LAMA3: variants seen among roughly 807,000 people sequenced by gnomAD.
The protein encoded by LAMA3 is laminin subunit alpha 3, also known as laminin subunit alpha-3.
LAMA3 carries 281 observed loss-of-function variants against 402.0 expected under a neutral mutation model. The ratio of observed to expected loss-of-function variants is 0.70; its 90% CI spans 0.63 to 0.77. LAMA3 has a LOEUF of 0.77. Ranked by LOEUF, LAMA3 falls within the 30% of genes least tolerant of loss-of-function variation. LAMA3 has a pLI of 0.00. For missense variants in LAMA3, 3,840 were observed against 4,215.5 expected, an observed-to-expected ratio of 0.91 and a Z score of 2.47; for synonymous variants, 1,431 against 1,558.4, an observed-to-expected ratio of 0.92 and a Z score of 1.93.
chr18:23,743,839 A>G (rs1193142643), intron 2 of LAMA3, among the ~76,000 whole-genome samples: 2 of 152,112 alleles, frequency 1.3e-5, no homozygotes, highest in Admixed American at 6.5e-5. Flanking sequence ...ACCCCCAAAT[A>G]CGATCTCTTT....
chr18:23,775,629 A>G (rs1306732412), intron 9 of LAMA3, among the ~76,000 whole-genome samples, 163 bp from the exon 10 acceptor site: 1 of 152,248 alleles, frequency 6.6e-6, no homozygotes, highest in Non-Finnish European at 1.5e-5. Flanking sequence ...TCGGGCAGTG[A>G]GAACCATCAA....
At chr18:23,952,467 G>A (rs530268106) in intron 73 of LAMA3, among the ~76,000 whole-genome samples, 1 of 152,254 alleles carries the variant, frequency 6.6e-6, no homozygotes, top group South Asian at 2.1e-4. Context: ...AACCCATATT[G>A]GCTAAAATAC....
At chr18:23,707,459 A>T (rs2060911138) in intron 1 of LAMA3, among the ~76,000 whole-genome samples, 1 of 152,244 alleles carries the variant, frequency 6.6e-6, no homozygotes, top group South Asian at 2.1e-4. Flanking sequence ...GTCTGGATTC[A>T]AGAGCAGAGA....
Position 23,954,531 on chromosome 18 carries a change from G to A in LAMA3, c.9885G>A (p.Val3295=), listed in dbSNP as rs750062281. The A allele has an allele frequency of 6.2e-7, 1 of 1,613,832 alleles. No individual in the cohort carries two copies. The highest frequency in any genetic ancestry group is 1.1e-5 in the South Asian group (1 of 91,052). The part of the protein sequence containing the change: ...PANLTTLRIP[V]WKSFFGCLRN... Reference sequence around the variant, plus strand: ...ATTTGACGACACTGAGGATCCCTGTGTGGAAATCATTCTTTGGCTGTCTGA... The same window carrying A: ...ATTTGACGACACTGAGGATCCCTGTATGGAAATCATTCTTTGGCTGTCTGA... The change falls in exon 75 of 75, where the codon GTG becomes GTA. Residue 3295 remains valine (V), a synonymous_variant. Coordinates refer to ENST00000313654, the MANE Select transcript of LAMA3 (RefSeq NM_198129.4).
At chr18:23,934,395 C>T (rs963884584) in intron 67 of LAMA3, among the ~76,000 whole-genome samples, 1 of 152,122 alleles carries the variant, frequency 6.6e-6, no homozygotes, top group African/African-American at 2.4e-5. Flanking sequence ...TAGGCTGCAT[C>T]TGACCCAATT....
chr18:23,702,434 G>A (rs1480015139), intron 1 of LAMA3, among the ~76,000 whole-genome samples: 3 of 151,974 alleles, frequency 2.0e-5, no homozygotes, highest in Non-Finnish European at 4.4e-5. Context: ...GGGCTCAAGG[G>A]AGCCTCAGCC....
chr18:23,830,941 G>T (rs560554715), intron 23 of LAMA3, among the ~76,000 whole-genome samples: 217 of 152,120 alleles, frequency 1.4e-3, no homozygotes, highest in Non-Finnish European at 2.5e-3. Context: ...ACTCCATTTC[G>T]GTATTCCCTA....
intron 42 of LAMA3, 30 bp from the exon 43 acceptor site, chr18:23,894,268 A>C: frequency 6.4e-7 from 1 of 1,570,590 alleles, no homozygotes; most frequent in Non-Finnish European, 8.8e-7. Context: ...TTTAATAACT[A>C]TGTCTTCTTT....
At chr18:23,877,286 A>G (rs1036435038) in intron 39 of LAMA3, among the ~76,000 whole-genome samples, 1 of 152,186 alleles carries the variant, frequency 6.6e-6, no homozygotes, top group Non-Finnish European at 1.5e-5. Flanking sequence ...CTTATTTTGG[A>G]ATATTTTATA....
intron 35 of LAMA3, among the ~76,000 whole-genome samples, chr18:23,863,829 G>A (rs553921668): frequency 5.9e-4 from 90 of 152,264 alleles, no homozygotes; most frequent in Non-Finnish European, 1.1e-3. Flanking sequence ...TTACTTAAAG[G>A]ATGGGAGGTG....
At chr18:23,709,317 C>T (rs1269820713) in intron 1 of LAMA3, among the ~76,000 whole-genome samples, 1 of 152,192 alleles carries the variant, frequency 6.6e-6, no homozygotes, top group African/African-American at 2.4e-5. Context: ...AAGCAATCTG[C>T]CCATCTTGGC....
intron 55 of LAMA3, among the ~76,000 whole-genome samples, chr18:23,911,815 C>A (rs2081434039): frequency 6.9e-6 from 1 of 145,538 alleles, no homozygotes; most frequent in African/African-American, 2.5e-5. Flanking sequence ...ATATTATAAT[C>A]ATATATTTTA....
Position 23,689,966 on chromosome 18 carries a change from C to A in LAMA3, c.283C>A (p.His95Asn). Residue 95 changes from histidine (H) to asparagine (N), a missense_variant, in exon 1 of 75, where the codon CAC (histidine) becomes AAC (asparagine). By Grantham distance (68) the His-to-Asn change is moderately conservative (BLOSUM62 1). Transcript: ENST00000313654. Reference sequence around the variant, plus strand: ...GGGCCCCACCGCCCCAGGCAGCGGCCACACCATCCAGGTGAGGGCCTCGGA... The same window carrying A: ...GGGCCCCACCGCCCCAGGCAGCGGCAACACCATCCAGGTGAGGGCCTCGGA... ...VGGPTAPGSG[H>N]TIQGQFCDYC... 1 of 1,504,900 alleles carries A rather than the reference C, an allele frequency of 6.6e-7. No homozygotes were observed. 93.2% of individuals were successfully genotyped at this position (1,504,900 alleles called of 1,614,324 possible).
At chr18:23,690,026 G>C in intron 1 of LAMA3, 49 bp downstream of exon 1, 1 of 1,327,088 alleles carries the variant, frequency 7.5e-7, no homozygotes. Flanking sequence ...TCCTTCCCGC[G>C]CCGGCCAGAC....
chr18:23,709,710 T>A (rs937700456), intron 1 of LAMA3: 1 of 436,644 alleles, frequency 2.3e-6, no homozygotes. Context: ...TCCTCAATGA[T>A]CTTCCATCTG....
intron 24 of LAMA3, chr18:23,834,930 C>T (rs910959986): frequency 2.0e-5 from 3 of 152,182 alleles, no homozygotes; most frequent in Non-Finnish European, 2.9e-5. Context: ...CCCTCAGTAA[C>T]GCTAAACAAG....
At chr18:23,838,111 G>A (rs2063623149) in intron 25 of LAMA3, among the ~76,000 whole-genome samples, 1 of 151,988 alleles carries the variant, frequency 6.6e-6, no homozygotes, top group Non-Finnish European at 1.5e-5. Context: ...TGAAGGCAGG[G>A]GTGTTGTCCA....
chr18:23,875,097 TCAA>T (rs777138267), intron 38 of LAMA3, among the ~76,000 whole-genome samples: 1 of 152,120 alleles, frequency 6.6e-6, no homozygotes, highest in Non-Finnish European at 1.5e-5. Flanking sequence ...ACTCCTGGGC[TCAA>T]GTGATCCACC....
At chr18:23,840,256 G>A (rs947704391) in intron 27 of LAMA3, among the ~76,000 whole-genome samples, 2 of 152,010 alleles carry the variant, frequency 1.3e-5, no homozygotes, top group African/African-American at 4.8e-5. Flanking sequence ...ATTATTCATG[G>A]CCCATATTGT....
Sources: gnomAD v4.1 joint callset for allele counts (sites outside exome capture counted in the v4.1 genomes callset) on GRCh38, gnomAD v4.1.1 for gene constraint, MANE v1.5 for transcripts, NCBI Gene and HGNC (gene_info 2026-07-23, HGNC 2026-07-21) for gene names.